The following PDE1C variants were observed in gnomAD, a reference collection of about 807,000 sequenced individuals.
PDE1C encodes phosphodiesterase 1C.
Under a neutral mutation model 93.1 loss-of-function variants are expected in PDE1C, and 62 were observed. The observed-to-expected ratio is 0.67, with a 90% confidence interval of 0.54 to 0.82. The LOEUF (loss-of-function observed/expected upper bound fraction) is 0.82. Among genes scored for constraint, PDE1C ranks in the 40% least tolerant of loss-of-function variants. The pLI, the probability that PDE1C is intolerant of heterozygous loss-of-function variation, is 0.00. For missense variants in PDE1C, 742 were observed against 884.6 expected (o/e 0.84, Z 2.04); for synonymous variants, 325 against 310.1 (o/e 1.05, Z -0.50).
chr7:31,708,951 G>A, the PDE1C span, among the ~76,000 whole-genome samples: 5 of 152,138 alleles, frequency 3.3e-5, no homozygotes, highest in Non-Finnish European at 7.4e-5. Flanking sequence ...AACTGTGGCC[G>A]GGTGCTGGTT....
chr7:31,908,149 A>C (rs1157048682), intron 2 of PDE1C, among the ~76,000 whole-genome samples: 1 of 151,812 alleles, frequency 6.6e-6, no homozygotes, highest in Non-Finnish European at 1.5e-5. Flanking sequence ...AGTGAAATTC[A>C]GTCATCAGTA....
chr7:32,409,756 T>C (rs1196491158), intron 1 of PDE1C, among the ~76,000 whole-genome samples: 1 of 151,996 alleles, frequency 6.6e-6, no homozygotes, highest in Non-Finnish European at 1.5e-5. Context: ...TAATTTCATA[T>C]ATATATATTC....
At chr7:32,094,222 G>C (rs1254478031) in intron 3 of PDE1C, among the ~76,000 whole-genome samples, 1 of 152,212 alleles carries the variant, frequency 6.6e-6, no homozygotes, top group Non-Finnish European at 1.5e-5. Flanking sequence ...ACTGAATACA[G>C]AGTAGGGAAG....
At chr7:31,706,619 AT>A in the PDE1C span, among the ~76,000 whole-genome samples, 1 of 152,140 alleles carries the variant, frequency 6.6e-6, no homozygotes, top group Admixed American at 6.5e-5. Flanking sequence ...TGAGCTCAAT[AT>A]TTCCCTGGAT....
At chr7:31,693,645 A>G in the PDE1C span, among the ~76,000 whole-genome samples, 1 of 152,224 alleles carries the variant, frequency 6.6e-6, no homozygotes, top group Non-Finnish European at 1.5e-5. Flanking sequence ...AACAACTGAT[A>G]AAGCATAGGC....
chr7:32,251,450 A>T (rs1809373694), intron 1 of PDE1C, among the ~76,000 whole-genome samples: 1 of 151,996 alleles, frequency 6.6e-6, no homozygotes, highest in South Asian at 2.1e-4. Context: ...CGCCTTCCAA[A>T]TCAATTCCAT....
intron 2 of PDE1C, among the ~76,000 whole-genome samples, chr7:32,200,686 A>G (rs2128829579): frequency 6.6e-6 from 1 of 152,318 alleles, no homozygotes; most frequent in South Asian, 2.1e-4. Context: ...TGCTCTAAGA[A>G]CAAGTATCCC....
intron 1 of PDE1C, among the ~76,000 whole-genome samples, chr7:32,387,253 GAA>G (rs1361397218): frequency 6.6e-6 from 1 of 152,126 alleles, no homozygotes; most frequent in African/African-American, 2.4e-5. Context: ...AGAACAAAAT[GAA>G]AAGTCTCCAT....
chr7:31,939,971 T>C (rs1458993435), intron 2 of PDE1C, among the ~76,000 whole-genome samples: 1 of 152,104 alleles, frequency 6.6e-6, no homozygotes, highest in Admixed American at 6.5e-5. Context: ...CAGTGCAGAA[T>C]CTGGGAAACT....
chr7:31,663,282 A>C, the PDE1C span, among the ~76,000 whole-genome samples: 1 of 152,184 alleles, frequency 6.6e-6, no homozygotes, highest in Non-Finnish European at 1.5e-5. Flanking sequence ...CTACTGCTGT[A>C]GCTGCTATCC....
intron 1 of PDE1C, among the ~76,000 whole-genome samples, chr7:32,379,723 T>C (rs529026002): frequency 6.6e-6 from 1 of 152,364 alleles, no homozygotes; most frequent in East Asian, 1.9e-4. Flanking sequence ...CAGCTGCTAT[T>C]AGTGGCTGCC....
At chr7:32,226,566 G>A (rs1005392729) in intron 1 of PDE1C, among the ~76,000 whole-genome samples, 1 of 152,182 alleles carries the variant, frequency 6.6e-6, no homozygotes, top group Non-Finnish European at 1.5e-5. Flanking sequence ...TCAGAGGGGG[G>A]CCCCTGATGA....
upstream of PDE1C, among the ~76,000 whole-genome samples, chr7:32,301,855 G>A (rs1193868312): frequency 1.3e-5 from 2 of 152,230 alleles, no homozygotes; most frequent in Admixed American, 6.5e-5. Flanking sequence ...GTCTGCAGAT[G>A]AAATCTGGCC....
chr7:31,860,931 T>C (rs1163856278), intron 7 of PDE1C, among the ~76,000 whole-genome samples: 2 of 152,174 alleles, frequency 1.3e-5, no homozygotes, highest in Admixed American at 6.6e-5. Flanking sequence ...AATAAATAAC[T>C]GTAGCCAAAA....
At chr7:32,223,090 C>A (rs1408621072) in intron 1 of PDE1C, among the ~76,000 whole-genome samples, 1 of 152,236 alleles carries the variant, frequency 6.6e-6, no homozygotes, top group Non-Finnish European at 1.5e-5. Context: ...GCGGCACCTC[C>A]CTGTGCAAAG....
At chr7:32,402,303 G>A (rs188522996) in intron 1 of PDE1C, among the ~76,000 whole-genome samples, 6 of 152,182 alleles carry the variant, frequency 3.9e-5, no homozygotes, top group Non-Finnish European at 8.8e-5. Context: ...AGACTGAGAA[G>A]ATCCATAAGC....
chr7:31,694,907 T>C, the PDE1C span, among the ~76,000 whole-genome samples: 1 of 152,048 alleles, frequency 6.6e-6, no homozygotes, highest in Non-Finnish European at 1.5e-5. Context: ...TGAGTTAGGA[T>C]GGGCAAATAG....
At chr7:32,279,223 C>A (rs1811474871) in intron 1 of PDE1C, among the ~76,000 whole-genome samples, 1 of 151,958 alleles carries the variant, frequency 6.6e-6, no homozygotes, top group African/African-American at 2.4e-5. Flanking sequence ...CTGAAAAGGC[C>A]AATCAAAGAA....
At chr7:32,146,577 T>A (rs1800850385) in intron 3 of PDE1C, among the ~76,000 whole-genome samples, 1 of 152,166 alleles carries the variant, frequency 6.6e-6, no homozygotes, top group South Asian at 2.1e-4. Flanking sequence ...TAATCCTGGA[T>A]AATCTCTCCA....
Sources: gnomAD v4.1 joint callset for allele counts (sites outside exome capture counted in the v4.1 genomes callset) on GRCh38, gnomAD v4.1.1 for gene constraint, MANE v1.5 for transcripts, NCBI Gene and HGNC (gene_info 2026-07-23, HGNC 2026-07-21) for gene names.